Variants in SULF1 observed in about 807,000 individuals in gnomAD.
SULF1 encodes extracellular sulfatase Sulf-1.
SULF1 carries 46 observed loss-of-function variants against 110.5 expected under a neutral mutation model. That is an observed-to-expected ratio of 0.42 (90% CI 0.33 to 0.53). The LOEUF (loss-of-function observed/expected upper bound fraction) is 0.53, where lower values mean the gene tolerates loss of function less well. Among genes scored for constraint, SULF1 ranks in the 20% least tolerant of loss-of-function variants. The pLI is 0.12. For synonymous variants in SULF1, 371 were observed against 387.1 expected (o/e 0.96, Z 0.49); for missense variants, 941 against 1,094.2 (o/e 0.86, Z 1.98).
At chr8:69,480,470 TAGTAA>T (rs1323083342) in intron 1 of SULF1, among the ~76,000 whole-genome samples, 1 of 152,212 alleles carries the variant, frequency 6.6e-6, no homozygotes, top group African/African-American at 2.4e-5. Flanking sequence ...ACTGTCCCCT[TAGTAA>T]TGTCACCTTA....
chr8:69,601,727 A>G lies in SULF1; in HGVS notation c.959A>G (p.His320Arg). Reference sequence around the variant, plus strand: ...ATTTACACCGCCGACCATGGTTACCATATTGGGCAGTTTGGACTGGTCAAG... The same window carrying G: ...ATTTACACCGCCGACCATGGTTACCGTATTGGGCAGTTTGGACTGGTCAAG... ...YIIYTADHGY[H>R]IGQFGLVKGK... is the part of the protein sequence containing the mutation. Residue 320 changes from histidine (H) to arginine (R), a missense_variant, in exon 10 of 23, where the codon CAT (histidine) becomes CGT (arginine). Physicochemically the swap from His to Arg is conservative, Grantham distance 29 (BLOSUM62 0). Coordinates refer to ENST00000402687, the MANE Select transcript of SULF1 (RefSeq NM_001128205.2). 1 of 1,613,874 alleles carries G rather than the reference A, an allele frequency of 6.2e-7. No homozygotes were observed. The highest frequency in any genetic ancestry group is 8.5e-7 in the Non-Finnish European group (1 of 1,179,918).
chr8:69,523,691 TC>T (rs1444733153), intron 3 of SULF1, among the ~76,000 whole-genome samples: 1 of 151,840 alleles, frequency 6.6e-6, no homozygotes, highest in Non-Finnish European at 1.5e-5. Flanking sequence ...TTCACTACCC[TC>T]CCCTGATAAG....
chr8:69,560,295 T>C (rs1013384664), intron 3 of SULF1, among the ~76,000 whole-genome samples: 1 of 151,894 alleles, frequency 6.6e-6, no homozygotes, highest in African/African-American at 2.4e-5. Context: ...AACAAACATA[T>C]GTGACCTAAA....
At position 69,628,225 on chromosome 8, in the gene SULF1, T is replaced by G; in HGVS notation, c.2097T>G (p.Leu699=). The change falls in exon 18 of 23, where the codon CTT becomes CTG. Residue 699 remains leucine (L), a synonymous_variant. Transcript: ENST00000402687. ...AGCAAGAGAAATTAAAGAGCCATCT[T>G]CACCCATTCAAGTAAGTAACTCTCT... ...VKKQEKLKSH[L]HPFKEAAQEV... is the part of the protein sequence containing the mutation. The G allele has an allele frequency of 6.2e-7, 1 of 1,613,856 alleles. No homozygotes were observed. Among genetic ancestry groups the G allele is most frequent in the Non-Finnish European group, 8.5e-7 (1 of 1,179,724 alleles).
Position 69,603,291 on chromosome 8 carries a change from A to G in SULF1, c.1161A>G (p.Lys387=), listed in dbSNP as rs898398820. Residue 387 remains lysine, a synonymous_variant, in exon 11 of 23, where the codon AAA becomes AAG. Transcript: ENST00000402687. ...ATGTGGACGGCAAGTCTGTCCTCAA[A>G]CTTCTGGACCCAGAAAAGCCAGGTA... ...PPDVDGKSVL[K]LLDPEKPGNR... 10 of 1,613,806 alleles carry G rather than the reference A, an allele frequency of 6.2e-6. No homozygotes were observed. The Admixed American group carries it at 1.5e-4, about 24-fold the overall frequency.
Position 69,653,862 on chromosome 8 carries a change from A to T in SULF1, c.2586-4643A>T, listed in dbSNP as rs560355434. 9.2e-5 allele frequency among the ~76,000 whole-genome samples: 14 copies of T among 152,310 alleles called. 1 individual carries two copies. In the South Asian group the frequency reaches 2.5e-3, roughly 27 times the overall value. ...TCTCTGTGAACTGGGGGTAGACCAA[A>T]TACATTTTTCTTATTATGCCCTAGT... On this transcript the variant is annotated intron_variant, in intron 22 of 22. Transcript: ENST00000402687.
intron 3 of SULF1, among the ~76,000 whole-genome samples, chr8:69,508,525 C>A (rs1163103122): frequency 6.6e-6 from 1 of 152,152 alleles, no homozygotes; most frequent in Non-Finnish European, 1.5e-5. Flanking sequence ...TTATTAGTAG[C>A]CTTTAAAGAA....
chr8:69,656,013 A>G (rs1812700572), intron 22 of SULF1, among the ~76,000 whole-genome samples: 1 of 152,220 alleles, frequency 6.6e-6, no homozygotes, highest in Non-Finnish European at 1.5e-5. Context: ...CCTCTGGAAG[A>G]TTGCTGAAGA....
intron 6 of SULF1, among the ~76,000 whole-genome samples, chr8:69,582,285 C>T (rs1437837124): frequency 6.6e-6 from 1 of 152,132 alleles, no homozygotes; most frequent in Non-Finnish European, 1.5e-5. Context: ...AATATGTAAC[C>T]TCCGAAGAGA....
At chr8:69,525,098 AG>A (rs1812568805) in intron 3 of SULF1, among the ~76,000 whole-genome samples, 1 of 152,200 alleles carries the variant, frequency 6.6e-6, no homozygotes, top group African/African-American at 2.4e-5. Flanking sequence ...TGCCTACAAA[AG>A]TAATTCATAG....
intron 1 of SULF1, among the ~76,000 whole-genome samples, chr8:69,474,895 C>G (rs1235761324): frequency 6.6e-6 from 1 of 152,142 alleles, no homozygotes; most frequent in Non-Finnish European, 1.5e-5. Flanking sequence ...AGAAACTGCA[C>G]AAACACAAAA....
chr8:69,563,870 G>T, intron 4 of SULF1, 46 bp from the exon 5 acceptor site: 1 of 1,169,422 alleles, frequency 8.6e-7, no homozygotes, highest in Non-Finnish European at 1.2e-6. Flanking sequence ...TTGGAGTTTG[G>T]ATTTCATTTT....
chr8:69,509,114 A>T (rs1481632967), intron 3 of SULF1, among the ~76,000 whole-genome samples: 1 of 152,228 alleles, frequency 6.6e-6, no homozygotes, highest in Non-Finnish European at 1.5e-5. Context: ...TTGTAGGGGG[A>T]GTAGACATAT....
intron 1 of SULF1, among the ~76,000 whole-genome samples, chr8:69,478,782 T>C (rs192281883): frequency 6.6e-6 from 1 of 152,220 alleles, no homozygotes; most frequent in Non-Finnish European, 1.5e-5. Flanking sequence ...CTCTCTCTTA[T>C]ATTTTGAGAA....
intron 1 of SULF1, among the ~76,000 whole-genome samples, chr8:69,481,506 T>C (rs1809521321): frequency 6.6e-6 from 1 of 152,166 alleles, no homozygotes; most frequent in Non-Finnish European, 1.5e-5. Context: ...TGCAGGTGTG[T>C]TCCATAGGTA....
intron 3 of SULF1, among the ~76,000 whole-genome samples, chr8:69,562,371 C>A (rs962340576): frequency 6.6e-6 from 1 of 152,178 alleles, no homozygotes; most frequent in Non-Finnish European, 1.5e-5. Context: ...TCCTGCTATG[C>A]GATGCTTACA....
At chr8:69,539,755 A>C (rs1239852687) in intron 3 of SULF1, among the ~76,000 whole-genome samples, 1 of 152,174 alleles carries the variant, frequency 6.6e-6, no homozygotes, top group Non-Finnish European at 1.5e-5. Context: ...GTGGGAGTTG[A>C]AGGGAGGCTT....
At chr8:69,563,793 CA>C in intron 4 of SULF1, 122 bp from the exon 5 acceptor site, 1 of 587,598 alleles carries the variant, frequency 1.7e-6, no homozygotes. Flanking sequence ...GACTCATGTG[CA>C]ACCCTGTCTC....
intron 19 of SULF1, among the ~76,000 whole-genome samples, chr8:69,633,693 C>T (rs1586600759): frequency 1.3e-5 from 2 of 151,756 alleles, no homozygotes; most frequent in Admixed American, 6.6e-5. Flanking sequence ...ATTTTAAGTT[C>T]TGTGGTGCAT....
Sources: gnomAD v4.1 joint callset for allele counts (sites outside exome capture counted in the v4.1 genomes callset) on GRCh38, gnomAD v4.1.1 for gene constraint, MANE v1.5 for transcripts, NCBI Gene and HGNC (gene_info 2026-07-23, HGNC 2026-07-21) for gene names.